WDR72: variants seen among roughly 807,000 people sequenced by gnomAD.
The protein encoded by WDR72 is WD repeat domain 72.
WDR72 carries 120 observed loss-of-function variants against 124.2 expected under a neutral mutation model. That is an observed-to-expected ratio of 0.97 (90% confidence interval 0.83 to 1.12). The LOEUF (loss-of-function observed/expected upper bound fraction) is 1.12, where lower values mean the gene tolerates loss of function less well. Among genes scored for constraint, WDR72 ranks in the 50% most tolerant of loss-of-function variants. The pLI is 0.00. For missense variants in WDR72, 1,387 were observed against 1,278.8 expected (o/e 1.08, Z -1.29); for synonymous variants, 452 against 441.7 (o/e 1.02, Z -0.29).
At chr15:53,710,266 C>A (rs956768148) in intron 9 of WDR72, among the ~76,000 whole-genome samples, 1 of 152,030 alleles carries the variant, frequency 6.6e-6, no homozygotes, top group Non-Finnish European at 1.5e-5. Flanking sequence ...GGAGTAGATA[C>A]GTAAAAATGT....
At chr15:53,710,364 C>A (rs138261122) in intron 9 of WDR72, among the ~76,000 whole-genome samples, 9 of 147,268 alleles carry the variant, frequency 6.1e-5, no homozygotes, top group African/African-American at 2.3e-4. Context: ...TACACACACA[C>A]ACACACAAAT....
intron 18 of WDR72, among the ~76,000 whole-genome samples, chr15:53,528,887 C>T (rs1282618695): frequency 6.6e-6 from 1 of 151,916 alleles, no homozygotes. Flanking sequence ...CAATGGGCTG[C>T]CTCAGTAAGG....
intron 1 of WDR72, among the ~76,000 whole-genome samples, chr15:53,758,884 G>A (rs7183766): frequency 0.31 from 47,037 of 151,536 alleles, 7,944 homozygotes; most frequent in South Asian, 0.46. Context: ...ATAATAAGTG[G>A]GGAAGATGGT....
intron 17 of WDR72, among the ~76,000 whole-genome samples, chr15:53,607,783 T>C (rs1050237278): frequency 2.0e-5 from 3 of 151,950 alleles, no homozygotes; most frequent in African/African-American, 7.3e-5. Flanking sequence ...ATACCCAGAG[T>C]ATACAGGGAG....
At chr15:53,733,289 G>C (rs938483123) in intron 1 of WDR72, 128 bp from the exon 2 acceptor site, 26 of 1,018,006 alleles carry the variant, frequency 2.6e-5, no homozygotes, top group Admixed American at 6.1e-5. Flanking sequence ...TATGGAAAAG[G>C]GTGTTTCCCC....
chr15:53,623,856 T>C (rs1365231645), intron 14 of WDR72, among the ~76,000 whole-genome samples: 1 of 152,214 alleles, frequency 6.6e-6, no homozygotes, highest in African/African-American at 2.4e-5. Flanking sequence ...CCATTGTTTT[T>C]TGATGTTTAA....
At chr15:53,607,112 G>A (rs770513720) in intron 17 of WDR72, among the ~76,000 whole-genome samples, 3 of 151,956 alleles carry the variant, frequency 2.0e-5, no homozygotes, top group African/African-American at 4.8e-5. Flanking sequence ...TCGAATCAAC[G>A]CACAACTATT....
chr15:53,705,278 C>T (rs1233320679), intron 10 of WDR72, 45 bp from the exon 11 acceptor site: 1 of 1,585,534 alleles, frequency 6.3e-7, no homozygotes, highest in Non-Finnish European at 8.6e-7. Context: ...TTTATCAGTA[C>T]ATCATAGACA....
At chr15:53,706,373 T>TATAC (rs2017373709) in intron 9 of WDR72, among the ~76,000 whole-genome samples, 1 of 67,336 alleles carries the variant, frequency 1.5e-5, no homozygotes, top group African/African-American at 6.0e-5. Flanking sequence ...TATATATATA[T>TATAC]ATATATATAT....
chr15:53,608,860 T>C (rs920074960), intron 17 of WDR72, among the ~76,000 whole-genome samples: 1 of 151,850 alleles, frequency 6.6e-6, no homozygotes, highest in Non-Finnish European at 1.5e-5. Context: ...AAGGGTAGTG[T>C]GGGATAGAGG....
At chr15:53,588,225 C>A (rs921970823) in intron 18 of WDR72, among the ~76,000 whole-genome samples, 6 of 151,996 alleles carry the variant, frequency 3.9e-5, no homozygotes, top group African/African-American at 1.4e-4. Flanking sequence ...ACTCAGGCAA[C>A]AAACATTTAA....
In WDR72 at chr15:53,737,565, G is replaced by T. The variant is rs138370731; in HGVS notation, c.-12-4404C>A. 3.0e-3 allele frequency among the ~76,000 whole-genome samples: 456 copies of T among 152,224 alleles called. 1 individual carries two copies. Among genetic ancestry groups the T allele is most frequent in the African/African-American group, 0.011 (439 of 41,546 alleles). On this transcript the variant is annotated intron_variant, in intron 1 of 19. Coordinates refer to ENST00000360509, the MANE Select transcript of WDR72 (RefSeq NM_182758.4). Reference sequence around the variant, plus strand: ...AGCAAAACCACTGTTGGGGGAGGTGGTGGTCACTATATAATGATTAAATAA... The same window carrying T: ...AGCAAAACCACTGTTGGGGGAGGTGTTGGTCACTATATAATGATTAAATAA...
intron 17 of WDR72, among the ~76,000 whole-genome samples, chr15:53,601,556 CAG>C (rs1254092266): frequency 3.3e-5 from 5 of 152,190 alleles, no homozygotes; most frequent in Admixed American, 2.0e-4. Flanking sequence ...TTAAATGACA[CAG>C]AGTGGTAAGC....
intron 14 of WDR72, among the ~76,000 whole-genome samples, chr15:53,628,271 C>G (rs186414355): frequency 2.6e-5 from 4 of 152,102 alleles, no homozygotes; most frequent in East Asian, 3.9e-4. Context: ...ACAGCTGAAG[C>G]ATTAGAAGTG....
intron 13 of WDR72, among the ~76,000 whole-genome samples, chr15:53,691,620 C>CAGACAGATAGAT (rs1214944836): frequency 6.9e-6 from 1 of 145,496 alleles, no homozygotes; most frequent in Non-Finnish European, 1.5e-5. Context: ...GACAGACAGA[C>CAGACAGATAGAT]AGATAGATAG....
chr15:53,616,302 C>T, intron 14 of WDR72, 59 bp from the exon 15 acceptor site: 1 of 1,444,350 alleles, frequency 6.9e-7, no homozygotes, highest in Non-Finnish European at 9.6e-7. Flanking sequence ...TTAAAGATTC[C>T]ATGATGTTAA....
intron 3 of WDR72, among the ~76,000 whole-genome samples, chr15:53,717,138 T>C (rs74015904): frequency 0.053 from 8,009 of 152,246 alleles, 619 homozygotes; most frequent in African/African-American, 0.17. Context: ...ATTTGGTCTA[T>C]CATCGATAAC....
chr15:53,558,055 T>C (rs10162643), intron 18 of WDR72, among the ~76,000 whole-genome samples: 47,777 of 151,830 alleles, frequency 0.31, 7,867 homozygotes, highest in Admixed American at 0.41. Flanking sequence ...GTGGGTTCCC[T>C]GAGTAGAGGA....
chr15:53,665,730 T>G lies in WDR72; in HGVS notation c.1804A>C (p.Ile602Leu), dbSNP rs150900206. ...ERHETGERAR[I>L]ILNCCDDSQL... is the part of the protein sequence containing the mutation. ...GAATCATCACAACAATTAAGAATAA[T>G]TCGTGCTCTTTCTCCTGTCTCATGT... Residue 602 changes from isoleucine to leucine, a missense_variant, in exon 14 of 20, where the codon ATT becomes CTT. Coordinates refer to ENST00000360509, the MANE Select transcript of WDR72 (RefSeq NM_182758.4). The G allele has an allele frequency of 6.2e-7, 1 of 1,613,846 alleles. No individual in the cohort carries two copies. Among genetic ancestry groups the G allele is most frequent in the African/African-American group, 1.3e-5 (1 of 75,018 alleles).
Sources: allele counts gnomAD v4.1 joint callset (sites outside exome capture counted in the v4.1 genomes callset), GRCh38; gene constraint gnomAD v4.1.1; transcripts MANE v1.5; gene names NCBI Gene and HGNC (gene_info 2026-07-23, HGNC 2026-07-21).